Variants in MARCHF5 observed in about 807,000 individuals in gnomAD.
MARCHF5 encodes the protein E3 ubiquitin-protein ligase MARCHF5.
A neutral mutation model predicts 36.5 loss-of-function variants in MARCHF5; 5 were observed. The observed-to-expected ratio is 0.14, with a 90% CI of 0.07 to 0.29. The LOEUF is 0.29. MARCHF5 is among the 10% of genes least tolerant of loss of function. The probability of loss-of-function intolerance (pLI) is 1.00; values close to 1 mark genes in which losing one functional copy is unlikely to be tolerated. For synonymous variants in MARCHF5, 103 were observed against 109.9 expected, an observed-to-expected ratio of 0.94 and a Z score of 0.39; for missense variants, 179 against 336.3, an observed-to-expected ratio of 0.53 and a Z score of 3.66.
intron 1 of MARCHF5, among the ~76,000 whole-genome samples, chr10:92,303,891 G>A (rs1209874211): frequency 1.3e-5 from 2 of 152,148 alleles, no homozygotes; most frequent in Non-Finnish European, 2.9e-5. Context: ...TAATGACAGT[G>A]ATTTGTTCTT....
rs1312471664 is a variant in MARCHF5 at position 92,352,543 on chromosome 10, T to G, written c.*1336T>G. ...TAATTAAAATTAAATTTTTAAGAGA[T>G]ATTTTCAAAACCCTATTTATTTTCT... On this transcript the variant is annotated 3_prime_UTR_variant, in exon 6 of 6. Transcript: ENST00000358935. 1.3e-5 allele frequency: 2 copies of G among 152,214 alleles called. No individual in the cohort carries two copies. Among genetic ancestry groups the G allele is most frequent in the Non-Finnish European group, 2.9e-5 (2 of 68,034 alleles). 9.4% of individuals were successfully genotyped at this position (152,214 alleles called of 1,614,324 possible).
intron 2 of MARCHF5, among the ~76,000 whole-genome samples, chr10:92,340,169 A>G (rs1471428225): frequency 6.6e-6 from 1 of 152,184 alleles, no homozygotes; most frequent in Non-Finnish European, 1.5e-5. Flanking sequence ...ATTTCACTCT[A>G]CCGTGGCCAG....
At position 92,353,751 on chromosome 10, in the gene MARCHF5, T is replaced by C. The variant is rs1159282912; in HGVS notation, c.*2544T>C. The C allele has an allele frequency of 6.6e-6, 1 of 152,318 alleles. No homozygotes were observed. The highest frequency in any genetic ancestry group is 1.5e-5 in the Non-Finnish European group (1 of 67,982). The allele number at this position is 152,318 out of a possible 1,614,324, so 9.4% of individuals were successfully genotyped here. ...AATTCAATGACGACTACTAGAATTC[T>C]TTTCAAAAGTTAACTTATCTCCAAA... is the stretch of plus-strand genomic sequence containing the variant. On this transcript the variant is annotated 3_prime_UTR_variant, in exon 6 of 6. Coordinates refer to ENST00000358935, the MANE Select transcript of MARCHF5 (RefSeq NM_017824.5).
chr10:92,316,332 G>A (rs1214520784), intron 2 of MARCHF5, among the ~76,000 whole-genome samples: 2 of 152,154 alleles, frequency 1.3e-5, no homozygotes, highest in African/African-American at 2.4e-5. Flanking sequence ...AAAAACTTAA[G>A]AGGATTCGTC....
intron 1 of MARCHF5, among the ~76,000 whole-genome samples, chr10:92,302,059 C>CA (rs1008874342): frequency 0.011 from 1,557 of 146,620 alleles, 25 homozygotes; most frequent in African/African-American, 0.035. Flanking sequence ...GACTCTGTCT[C>CA]AAAAAAAAAA....
Position 92,352,503 on chromosome 10 carries a change from A to T in MARCHF5, c.*1296A>T, listed in dbSNP as rs1843728057. ...GGCCATTTTAATGTTCAGCAACCTG[A>T]ATGGTTATTTTTGTTAATTAAAATT... On this transcript the variant is annotated 3_prime_UTR_variant, in exon 6 of 6. Coordinates refer to ENST00000358935, the MANE Select transcript of MARCHF5 (RefSeq NM_017824.5). The T allele has an allele frequency of 6.6e-6, 1 of 152,194 alleles. No individual in the cohort carries two copies. The highest frequency in any genetic ancestry group is 2.1e-4 in the South Asian group (1 of 4,832). The allele number at this position is 152,194 out of a possible 1,614,324, so 9.4% of individuals were successfully genotyped here.
At chr10:92,299,299 G>A (rs988526984) in intron 1 of MARCHF5, among the ~76,000 whole-genome samples, 1 of 152,004 alleles carries the variant, frequency 6.6e-6, no homozygotes, top group Non-Finnish European at 1.5e-5. Flanking sequence ...AAATCTGCCA[G>A]TCTCTGTGTC....
intron 5 of MARCHF5, among the ~76,000 whole-genome samples, chr10:92,350,520 A>G (rs939178681): frequency 2.0e-5 from 3 of 152,210 alleles, no homozygotes; most frequent in Non-Finnish European, 2.9e-5. Flanking sequence ...GGTAATTGTC[A>G]GTCCATTTGG....
chr10:92,304,604 T>C (rs1359985925), intron 1 of MARCHF5, among the ~76,000 whole-genome samples: 2 of 152,228 alleles, frequency 1.3e-5, no homozygotes, highest in Non-Finnish European at 2.9e-5. Flanking sequence ...TAATTTGAAA[T>C]TAGTTATTTC....
At chr10:92,313,522 G>A (rs190216353) in intron 2 of MARCHF5, among the ~76,000 whole-genome samples, 1,858 of 150,514 alleles carry the variant, frequency 0.012, 120 homozygotes, top group Admixed American at 0.11. Flanking sequence ...GGAGAATGGC[G>A]TAAACCCGGG....
chr10:92,302,165 C>T (rs990822094), intron 1 of MARCHF5, among the ~76,000 whole-genome samples: 1 of 151,968 alleles, frequency 6.6e-6, no homozygotes, highest in African/African-American at 2.4e-5. Context: ...AGTACAGACT[C>T]TTTTTTTTCC....
At chr10:92,316,119 G>A (rs1843205632) in intron 2 of MARCHF5, among the ~76,000 whole-genome samples, 1 of 152,076 alleles carries the variant, frequency 6.6e-6, no homozygotes, top group Admixed American at 6.5e-5. Context: ...GGTGATGATG[G>A]TTAATATTCT....
In MARCHF5 at chr10:92,295,834, CATATACATACGTATAT is replaced by C. The variant is rs1282593280; in HGVS notation, c.35+4316_35+4331del. 2.5e-4 allele frequency among the ~76,000 whole-genome samples: 38 copies of C among 151,658 alleles called. 1 individual carries two copies. The South Asian group carries it at 7.9e-3, about 32-fold the overall frequency. On this transcript the variant is annotated intron_variant, in intron 1 of 5. Coordinates refer to ENST00000358935, the MANE Select transcript of MARCHF5 (RefSeq NM_017824.5). ...GTAATATTTGTAGGTGGAAAGAATACATATACATACGTATATATATACATACATACATATATATATG... is the reference window on the plus strand; with the variant it reads ...GTAATATTTGTAGGTGGAAAGAATACATATACATACATACATATATATATG...
intron 3 of MARCHF5, among the ~76,000 whole-genome samples, chr10:92,343,599 C>A (rs991831893): frequency 6.6e-6 from 1 of 152,172 alleles, no homozygotes; most frequent in African/African-American, 2.4e-5. Context: ...GACAGAGTTT[C>A]GCTCTTGTTG....
At chr10:92,307,204 T>C (rs1298213014) in intron 1 of MARCHF5, among the ~76,000 whole-genome samples, 3 of 110,894 alleles carry the variant, frequency 2.7e-5, no homozygotes, top group Non-Finnish European at 4.1e-5. Flanking sequence ...TGTGTGTGTG[T>C]GTGTGTGTGC....
intron 3 of MARCHF5, among the ~76,000 whole-genome samples, chr10:92,341,823 T>TGCATAGCC (rs1843583734): frequency 6.9e-6 from 1 of 144,794 alleles, no homozygotes; most frequent in African/African-American, 2.5e-5. Flanking sequence ...GGTCTTGCTC[T>TGCATAGCC]GCATAGCCCA....
intron 2 of MARCHF5, among the ~76,000 whole-genome samples, chr10:92,325,091 G>C (rs1843338918): frequency 6.6e-6 from 1 of 152,098 alleles, no homozygotes; most frequent in African/African-American, 2.4e-5. Flanking sequence ...CCAGCACTTT[G>C]GAAGGTCGAG....
chr10:92,353,331 C>T lies in MARCHF5; in HGVS notation c.*2124C>T, dbSNP rs1217308141. On this transcript the variant is annotated 3_prime_UTR_variant, in exon 6 of 6. Coordinates refer to ENST00000358935, the MANE Select transcript of MARCHF5 (RefSeq NM_017824.5). ...ATAGGCAGACTTAAAGTTGGATAGA[C>T]CTGGGTTCAAATCATAGTTCAGCTT... is the stretch of plus-strand genomic sequence containing the variant. The T allele has an allele frequency of 1.3e-5, 2 of 152,146 alleles. No homozygotes were observed. Among genetic ancestry groups the T allele is most frequent in the African/African-American group, 4.8e-5 (2 of 41,414 alleles). 9.4% of individuals were successfully genotyped at this position (152,146 alleles called of 1,614,324 possible). A position where few individuals can be genotyped will look rare whatever the true frequency, so the allele number is the denominator to read the frequency against.
chr10:92,312,340 A>G (rs1005077451), intron 2 of MARCHF5, among the ~76,000 whole-genome samples: 2 of 152,234 alleles, frequency 1.3e-5, no homozygotes, highest in African/African-American at 4.8e-5. Context: ...GTTTTTCTCT[A>G]ACATGCACAG....
Sources: allele counts gnomAD v4.1 joint callset (sites outside exome capture counted in the v4.1 genomes callset), GRCh38; gene constraint gnomAD v4.1.1; transcripts MANE v1.5; gene names NCBI Gene and HGNC (gene_info 2026-07-23, HGNC 2026-07-21).